Variants in MAP3K15 observed in about 807,000 individuals in gnomAD.
The protein encoded by MAP3K15 is MAPK/ERK kinase kinase 15.
A neutral mutation model predicts 99.5 loss-of-function variants in MAP3K15; 124 were observed. That is an observed-to-expected ratio of 1.25 (90% CI 1.08 to 1.45). The LOEUF (loss-of-function observed/expected upper bound fraction) is 1.45. MAP3K15 is among the 40% of genes most tolerant of loss of function. The probability of loss-of-function intolerance (pLI) is 0.00; values close to 1 mark genes in which losing one functional copy is unlikely to be tolerated. For missense variants in MAP3K15, 1,242 were observed against 1,079.7 expected, an observed-to-expected ratio of 1.15 and a Z score of -2.11; for synonymous variants, 494 against 439.6, an observed-to-expected ratio of 1.12 and a Z score of -1.55.
At chrX:19,417,742 T>G (rs1238221677) in intron 9 of MAP3K15, among the ~76,000 whole-genome samples, 1 of 111,904 alleles carries the variant, frequency 8.9e-6, no homozygotes, top group Non-Finnish European at 1.9e-5. Context: ...ACAGACTGCC[T>G]CCTCAAGTGG....
intron 3 of MAP3K15, among the ~76,000 whole-genome samples, chrX:19,483,667 C>T (rs1171441312): frequency 9.0e-6 from 1 of 110,835 alleles, no homozygotes; most frequent in Non-Finnish European, 1.9e-5. Flanking sequence ...TCGTATGATC[C>T]AGGTGTCTGA....
chrX:19,376,559 C>T (rs1439015632), intron 19 of MAP3K15, among the ~76,000 whole-genome samples: 1 of 110,845 alleles, frequency 9.0e-6, no homozygotes, highest in African/African-American at 3.3e-5. Context: ...GATCCTCCTG[C>T]TTCAGGTTCC....
At chrX:19,494,495 C>T (rs1299986998) in intron 1 of MAP3K15, among the ~76,000 whole-genome samples, 2 of 111,747 alleles carry the variant, frequency 1.8e-5, no homozygotes, top group Non-Finnish European at 3.8e-5. Context: ...GACTTTAGTT[C>T]GTTGAAAACT....
chrX:19,381,734 G>C (rs2063459322), intron 18 of MAP3K15, among the ~76,000 whole-genome samples: 1 of 112,386 alleles, frequency 8.9e-6, no homozygotes, highest in South Asian at 3.7e-4. Context: ...GGGGAGGTCA[G>C]TCAAGGGCTC....
chrX:19,468,114 T>C (rs1211473016), intron 3 of MAP3K15, among the ~76,000 whole-genome samples: 1 of 111,938 alleles, frequency 8.9e-6, no homozygotes, highest in Non-Finnish European at 1.9e-5. Context: ...GGAGAGTGAC[T>C]TCATGCAGAA....
In MAP3K15 at chrX:19,415,216, C is replaced by T. The variant is rs369494074; in HGVS notation, c.1481G>A (p.Arg494His). 10 of 1,178,655 alleles carry T rather than the reference C, an allele frequency of 8.5e-6. No individual in the cohort carries two copies. Among genetic ancestry groups the T allele is most frequent in the South Asian group, 5.6e-5 (3 of 53,500 alleles). The change falls in exon 10 of 29, where the codon CGC (arginine) becomes CAC (histidine). Residue 494 changes from arginine (R) to histidine (H), a missense_variant. By Grantham distance (29) the Arg-to-His change is conservative. Coordinates refer to ENST00000338883, the MANE Select transcript of MAP3K15 (RefSeq NM_001001671.4). ...SLVQNLLLIRRFKKTIIEHSP... is the reference protein window; with the variant it reads ...SLVQNLLLIRHFKKTIIEHSP... The stretch of plus-strand genomic sequence containing the variant: ...GTGTTCAATAATGGTTTTCTTGAAG[C>T]GCCGAATTAGTAACAAGTTCTGAAC...
chrX:19,487,250 A>G (rs1194541771), intron 2 of MAP3K15, among the ~76,000 whole-genome samples: 1 of 111,043 alleles, frequency 9.0e-6, no homozygotes. Flanking sequence ...CTGGTGTTAA[A>G]TATAACTGAC....
intron 5 of MAP3K15, among the ~76,000 whole-genome samples, chrX:19,458,914 C>T (rs912771137): frequency 2.7e-4 from 30 of 111,190 alleles, no homozygotes; most frequent in African/African-American, 7.2e-4. Context: ...GAAAGGAAGC[C>T]AAGACATCCT....
At chrX:19,503,126 G>C (rs2064451477) in intron 1 of MAP3K15, among the ~76,000 whole-genome samples, 1 of 111,802 alleles carries the variant, frequency 8.9e-6, no homozygotes, top group African/African-American at 3.3e-5. Context: ...ATGAGGGAGA[G>C]AGTGGGATCA....
chrX:19,391,127 A>G lies in MAP3K15; in HGVS notation c.2431+875T>C, dbSNP rs188024141. On this transcript the variant is annotated intron_variant, in intron 18 of 28. Coordinates refer to ENST00000338883, the MANE Select transcript of MAP3K15 (RefSeq NM_001001671.4). ...ACTGACACATGGACAAGAAAATCCA[A>G]TTCCTCAAAATCACTTAGAATACCA... is the stretch of plus-strand genomic sequence containing the variant. Among the ~76,000 whole-genome samples the G allele has an allele frequency of 4.9e-4, 55 of 111,376 alleles. 1 individual carries two copies. In the East Asian group the frequency reaches 0.012, roughly 24 times the overall value.
chrX:19,467,359 TTC>T (rs2064175725), intron 3 of MAP3K15, among the ~76,000 whole-genome samples: 2 of 110,683 alleles, frequency 1.8e-5, no homozygotes, highest in Middle Eastern at 4.6e-3. Flanking sequence ...AACATTCTTA[TTC>T]CTCGCAGCCT....
intron 26 of MAP3K15, among the ~76,000 whole-genome samples, chrX:19,361,927 T>C (rs12859910): frequency 8.9e-6 from 1 of 112,310 alleles, no homozygotes; most frequent in South Asian, 3.7e-4. Flanking sequence ...AAATAGGTTT[T>C]AGTGTTGAGG....
intron 19 of MAP3K15, among the ~76,000 whole-genome samples, chrX:19,377,833 G>A (rs975938058): frequency 1.4e-4 from 16 of 112,489 alleles, no homozygotes; most frequent in African/African-American, 5.2e-4. Flanking sequence ...GCTGAGGACG[G>A]TCATTGCTGT....
At chrX:19,496,145 C>A (rs1268360349) in intron 1 of MAP3K15, among the ~76,000 whole-genome samples, 1 of 106,856 alleles carries the variant, frequency 9.4e-6, no homozygotes, top group East Asian at 3.0e-4. Context: ...CAGCTCACTG[C>A]AACCTCCATC....
chrX:19,412,028 T>C lies in MAP3K15; in HGVS notation c.1698+1329A>G, dbSNP rs560622250. 9.6e-4 allele frequency among the ~76,000 whole-genome samples: 107 copies of C among 111,659 alleles called. No homozygotes were observed. In the South Asian group the frequency reaches 0.038, roughly 40 times the overall value. The stretch of plus-strand genomic sequence containing the variant: ...CTTCAGAGGAGACATGAGTCCAAAG[T>C]CATGCAGAGAGGATAGTGGCAGACA... On this transcript the variant is annotated intron_variant, in intron 11 of 28. Coordinates refer to ENST00000338883, the MANE Select transcript of MAP3K15 (RefSeq NM_001001671.4).
chrX:19,451,587 C>T, intron 6 of MAP3K15, among the ~76,000 whole-genome samples: 1 of 108,649 alleles, frequency 9.2e-6, no homozygotes, highest in East Asian at 2.8e-4. Flanking sequence ...TGCTCAGTGT[C>T]ACTAATCAGA....
At chrX:19,380,625 A>G (rs930937653) in intron 18 of MAP3K15, among the ~76,000 whole-genome samples, 4 of 111,417 alleles carry the variant, frequency 3.6e-5, no homozygotes, top group African/African-American at 1.3e-4. Context: ...TCCCGGGTTC[A>G]AGCGATTCTC....
At chrX:19,440,271 A>G (rs1322733123) in intron 6 of MAP3K15, among the ~76,000 whole-genome samples, 1 of 111,762 alleles carries the variant, frequency 8.9e-6, no homozygotes, top group African/African-American at 3.3e-5. Context: ...TCACCTGTGT[A>G]ACCAATTTCC....
In MAP3K15 at chrX:19,361,404, CT is replaced by C. The variant is rs751563348; in HGVS notation, c.3791del (p.Glu1264GlyfsTer17). 4 of 1,207,277 alleles carry C rather than the reference CT, an allele frequency of 3.3e-6. No individual in the cohort carries two copies. The Admixed American group carries it at 8.7e-5, about 26-fold the overall frequency. On this transcript the variant is annotated frameshift_variant, in exon 28 of 29. Coordinates refer to ENST00000338883, the MANE Select transcript of MAP3K15 (RefSeq NM_001001671.4). LOFTEE classifies it high-confidence loss of function. Reference sequence around the variant, plus strand: ...TAAGAATATCCGAAAGTGTATAACCCTCTTCAACAATCTGAAACAAAGATCA... The same window carrying C: ...TAAGAATATCCGAAAGTGTATAACCCCTTCAACAATCTGAAACAAAGATCA... Reference protein sequence around the residue: ...DAKTIEKIVEEGYTLSDILNE... With the variant: ...DAKTIEKIVEXGYTLSDILNE...
Sources: gnomAD v4.1 joint callset for allele counts (sites outside exome capture counted in the v4.1 genomes callset) on GRCh38, gnomAD v4.1.1 for gene constraint, MANE v1.5 for transcripts, NCBI Gene and HGNC (gene_info 2026-07-23, HGNC 2026-07-21) for gene names.